The following FAAH2 variants were observed in gnomAD, a reference collection of about 807,000 sequenced individuals.
FAAH2 encodes the protein fatty-acid amide hydrolase 2.
In FAAH2, 60 loss-of-function variants were observed where a neutral mutation model predicts 36.9. The observed-to-expected ratio is 1.63, with a 90% CI of 1.32 to 2.02. The LOEUF (loss-of-function observed/expected upper bound fraction) is 2.02, where lower values mean the gene tolerates loss of function less well. FAAH2 is among the 30% of genes most tolerant of loss of function. FAAH2 has a pLI of 0.00. For missense variants in FAAH2, 689 were observed against 397.5 expected (o/e 1.73, Z -6.23); for synonymous variants, 214 against 143.8 (o/e 1.49, Z -3.49).
chrX:57,152,802 A>T, the FAAH2 span, among the ~76,000 whole-genome samples: 9 of 111,030 alleles, frequency 8.1e-5, no homozygotes, highest in Non-Finnish European at 1.7e-4. Context: ...GGCACTCCCT[A>T]GTGAGATGAA....
chrX:57,363,758 G>A (rs753319607), intron 5 of FAAH2, among the ~76,000 whole-genome samples: 2 of 110,673 alleles, frequency 1.8e-5, no homozygotes, highest in South Asian at 7.6e-4. Flanking sequence ...AATTTTTAGA[G>A]GATTTTTAAC....
chrX:57,272,310 G>A, the FAAH2 span, among the ~76,000 whole-genome samples: 3 of 110,955 alleles, frequency 2.7e-5, no homozygotes, highest in Non-Finnish European at 5.7e-5. Flanking sequence ...GGGGAGAATG[G>A]AACCAAGTTG....
At chrX:57,303,091 G>C (rs1165619476) in intron 2 of FAAH2, among the ~76,000 whole-genome samples, 1 of 111,491 alleles carries the variant, frequency 9.0e-6, no homozygotes, top group Non-Finnish European at 1.9e-5. Context: ...CCTTAGGAAA[G>C]TGTACATACT....
At chrX:57,348,515 G>A (rs1161159995) in intron 5 of FAAH2, among the ~76,000 whole-genome samples, 3 of 110,936 alleles carry the variant, frequency 2.7e-5, no homozygotes, top group Admixed American at 9.6e-5. Context: ...ACCAATGTGG[G>A]TACCAGTGTA....
the FAAH2 span, among the ~76,000 whole-genome samples, chrX:57,213,766 T>C: frequency 8.9e-6 from 1 of 111,919 alleles, no homozygotes; most frequent in African/African-American, 3.2e-5. Flanking sequence ...TGTTGGAGAA[T>C]GTCCCACGTG....
At chrX:57,426,467 T>C (rs1296789343) in intron 7 of FAAH2, among the ~76,000 whole-genome samples, 2 of 111,581 alleles carry the variant, frequency 1.8e-5, no homozygotes, top group African/African-American at 6.5e-5. Context: ...AATCGGCTCA[T>C]GGAAAATTCT....
At chrX:57,223,572 T>C in the FAAH2 span, among the ~76,000 whole-genome samples, 2 of 110,944 alleles carry the variant, frequency 1.8e-5, no homozygotes, top group African/African-American at 6.6e-5. Context: ...CCACTCAGTG[T>C]CACCCCAAGG....
intron 5 of FAAH2, among the ~76,000 whole-genome samples, chrX:57,364,458 T>C (rs764820350): frequency 9.4e-6 from 1 of 106,196 alleles, no homozygotes; most frequent in East Asian, 3.0e-4. Flanking sequence ...TTTTTTTTTT[T>C]TTTGCTAATA....
intron 4 of FAAH2, 113 bp from the exon 5 acceptor site, chrX:57,341,158 C>A: frequency 1.4e-6 from 1 of 726,488 alleles, no homozygotes; most frequent in Non-Finnish European, 1.9e-6. Context: ...GAACAAAAGA[C>A]TCACTTTGGA....
chrX:57,186,834 G>T, the FAAH2 span, among the ~76,000 whole-genome samples: 2 of 111,760 alleles, frequency 1.8e-5, no homozygotes, highest in East Asian at 5.6e-4. Context: ...TTTCCCCATT[G>T]CTTGTTTTTG....
intron 7 of FAAH2, among the ~76,000 whole-genome samples, chrX:57,384,964 G>A (rs1348512191): frequency 9.0e-6 from 1 of 111,619 alleles, no homozygotes; most frequent in African/African-American, 3.3e-5. Flanking sequence ...AAAATGATGA[G>A]TTCATGTCAT....
At chrX:57,151,774 C>T in the FAAH2 span, among the ~76,000 whole-genome samples, 924 of 111,801 alleles carry the variant, frequency 8.3e-3, 8 homozygotes, top group African/African-American at 0.028. Context: ...AGTCATTCTC[C>T]GTCCAGGTTT....
intron 2 of FAAH2, among the ~76,000 whole-genome samples, chrX:57,301,817 A>G (rs1347287117): frequency 9.0e-6 from 1 of 111,381 alleles, no homozygotes; most frequent in Non-Finnish European, 1.9e-5. Context: ...TATCTTTTTA[A>G]TCTTATTGTC....
intron 5 of FAAH2, among the ~76,000 whole-genome samples, chrX:57,361,526 A>T (rs2054286011): frequency 9.0e-6 from 1 of 110,651 alleles, no homozygotes; most frequent in African/African-American, 3.3e-5. Flanking sequence ...TTTTTTCCTA[A>T]ATTTCTTTAT....
the FAAH2 span, among the ~76,000 whole-genome samples, chrX:57,254,393 G>A: frequency 1.8e-5 from 2 of 111,559 alleles, no homozygotes; most frequent in African/African-American, 3.3e-5. Context: ...AGAATATCCA[G>A]GATTTGAACT....
chrX:57,269,482 C>T, the FAAH2 span, among the ~76,000 whole-genome samples: 1 of 111,496 alleles, frequency 9.0e-6, no homozygotes, highest in Non-Finnish European at 1.9e-5. Flanking sequence ...AGATGTAAAC[C>T]TTTCATAAGC....
At chrX:57,155,063 C>T in the FAAH2 span, among the ~76,000 whole-genome samples, 1 of 111,818 alleles carries the variant, frequency 8.9e-6, no homozygotes, top group East Asian at 2.8e-4. Context: ...CCAGGGATAC[C>T]AGCACCTGCT....
the FAAH2 span, among the ~76,000 whole-genome samples, chrX:57,255,185 A>G: frequency 8.9e-6 from 1 of 112,128 alleles, no homozygotes; most frequent in African/African-American, 3.2e-5. Flanking sequence ...GAAGAAATGG[A>G]TCAATTTCTG....
chrX:57,252,455 C>G, the FAAH2 span, among the ~76,000 whole-genome samples: 1 of 112,336 alleles, frequency 8.9e-6, no homozygotes, highest in African/African-American at 3.2e-5. Context: ...TCCCTGACAC[C>G]CGTGTAGCCT....
Sources: gnomAD v4.1 joint callset for allele counts (sites outside exome capture counted in the v4.1 genomes callset) on GRCh38, gnomAD v4.1.1 for gene constraint, MANE v1.5 for transcripts, NCBI Gene and HGNC (gene_info 2026-07-23, HGNC 2026-07-21) for gene names.